ADORA1: variants seen among roughly 807,000 people sequenced by gnomAD.
The protein encoded by ADORA1 is adenosine A1 receptor, also known as adenosine receptor A1.
A neutral mutation model predicts 19.9 loss-of-function variants in ADORA1; 6 were observed. The observed-to-expected ratio is 0.30, with a 90% CI of 0.17 to 0.59. The LOEUF (loss-of-function observed/expected upper bound fraction) is 0.59. ADORA1 is among the 20% of genes least tolerant of loss of function. ADORA1 has a pLI of 0.87. For missense variants in ADORA1, 302 were observed against 439.2 expected (o/e 0.69, Z 2.79); for synonymous variants, 194 against 188.4 (o/e 1.03, Z -0.24).
intron 3 of ADORA1, among the ~76,000 whole-genome samples, chr1:203,148,621 G>A (rs545714209): frequency 6.6e-6 from 1 of 152,354 alleles, no homozygotes; most frequent in African/African-American, 2.4e-5. Flanking sequence ...CACCAGCTGA[G>A]GAGGTTGGGA....
At chr1:203,160,549 A>C (rs1281561973) in intron 3 of ADORA1, among the ~76,000 whole-genome samples, 2 of 152,224 alleles carry the variant, frequency 1.3e-5, no homozygotes, top group Non-Finnish European at 2.9e-5. Context: ...GCAGTGGTGC[A>C]CGCCTGTAAT....
intron 3 of ADORA1, among the ~76,000 whole-genome samples, chr1:203,158,169 C>A (rs1655253970): frequency 1.3e-5 from 2 of 152,176 alleles, no homozygotes; most frequent in Non-Finnish European, 2.9e-5. Context: ...TCATCTCTGT[C>A]TTCCTTCACT....
At chr1:203,142,557 C>A (rs1654728195) in intron 3 of ADORA1, among the ~76,000 whole-genome samples, 1 of 152,152 alleles carries the variant, frequency 6.6e-6, no homozygotes, top group Admixed American at 6.5e-5. Flanking sequence ...TTAAAACATC[C>A]CTAAGAGTTT....
At chr1:203,130,923 A>G (rs1654311747) in intron 3 of ADORA1, among the ~76,000 whole-genome samples, 3 of 152,198 alleles carry the variant, frequency 2.0e-5, no homozygotes, top group Non-Finnish European at 4.4e-5. Flanking sequence ...GGACCTGCAC[A>G]GAGGCTGCCA....
intron 3 of ADORA1, among the ~76,000 whole-genome samples, chr1:203,156,409 T>G (rs1437979393): frequency 6.6e-6 from 1 of 152,070 alleles, no homozygotes; most frequent in Non-Finnish European, 1.5e-5. Context: ...TCCCAGACAT[T>G]TCAGGAAATG....
intron 3 of ADORA1, among the ~76,000 whole-genome samples, chr1:203,147,200 C>T (rs1262324051): frequency 1.3e-5 from 2 of 152,170 alleles, no homozygotes; most frequent in East Asian, 1.9e-4. Context: ...TGGGTAGGAT[C>T]GTTGGTTTCG....
chr1:203,128,450 T>G lies in ADORA1; in HGVS notation c.-58+18T>G. The G allele has an allele frequency of 7.7e-7, 1 of 1,291,568 alleles. No individual in the cohort carries two copies. The highest frequency in any genetic ancestry group is 1.0e-6 in the Non-Finnish European group (1 of 989,614). The allele number at this position is 1,291,568 out of a possible 1,614,324, so 80.0% of individuals were successfully genotyped here. On this transcript the variant is annotated intron_variant, in intron 2 of 3. Coordinates refer to ENST00000337894, the MANE Select transcript of ADORA1 (RefSeq NM_000674.3). The surrounding 1 kb of genome is among the most constrained non-coding windows in gnomAD (Gnocchi z 5.9). ...GCAGGATGGTGAGCTCCCTGCATCC[T>G]GTTCTGTGCACAGGGGTGGGCAGAG...
At chr1:203,147,439 C>A (rs1477559193) in intron 3 of ADORA1, among the ~76,000 whole-genome samples, 2 of 152,174 alleles carry the variant, frequency 1.3e-5, no homozygotes, top group East Asian at 3.9e-4. Context: ...CAATGCCTTT[C>A]TTTTTCTGGG....
At chr1:203,140,120 A>G (rs749048493) in intron 3 of ADORA1, among the ~76,000 whole-genome samples, 1 of 152,210 alleles carries the variant, frequency 6.6e-6, no homozygotes, top group Admixed American at 6.5e-5. Context: ...GTGGTTTAAC[A>G]TTTGAAAAAA....
At chr1:203,132,465 C>T (rs1044931375) in intron 3 of ADORA1, among the ~76,000 whole-genome samples, 1 of 152,186 alleles carries the variant, frequency 6.6e-6, no homozygotes, top group Non-Finnish European at 1.5e-5. Context: ...TGAGTTTGAA[C>T]CTTGCTCTGT....
At chr1:203,141,737 C>T (rs1444395481) in intron 3 of ADORA1, among the ~76,000 whole-genome samples, 10 of 152,008 alleles carry the variant, frequency 6.6e-5, no homozygotes, top group African/African-American at 1.2e-4. Flanking sequence ...CATGCCACCA[C>T]GCCCAGGTAA....
chr1:203,164,180 T>G (rs1200492424), intron 3 of ADORA1, among the ~76,000 whole-genome samples: 1 of 152,246 alleles, frequency 6.6e-6, no homozygotes, highest in African/African-American at 2.4e-5. Context: ...GTTTCTATCT[T>G]CTTTGTGGGT....
intron 3 of ADORA1, among the ~76,000 whole-genome samples, chr1:203,142,624 AG>A (rs2102745638): frequency 6.6e-6 from 1 of 152,348 alleles, no homozygotes; most frequent in South Asian, 2.1e-4. Context: ...ACAGCAAGTT[AG>A]GGTGTGAGTA....
At chr1:203,141,887 C>A (rs549799824) in intron 3 of ADORA1, among the ~76,000 whole-genome samples, 100 of 152,256 alleles carry the variant, frequency 6.6e-4, no homozygotes, top group African/African-American at 2.4e-3. Flanking sequence ...CCGGCCTAAC[C>A]TGGATGTTTT....
At chr1:203,141,399 A>G (rs1473822446) in intron 3 of ADORA1, among the ~76,000 whole-genome samples, 3 of 151,906 alleles carry the variant, frequency 2.0e-5, no homozygotes, top group African/African-American at 7.3e-5. Context: ...CCTCTGGGAG[A>G]GCAGGGGCTG....
chr1:203,164,904 G>C (rs751913590), intron 3 of ADORA1, among the ~76,000 whole-genome samples: 2 of 152,202 alleles, frequency 1.3e-5, no homozygotes, highest in Non-Finnish European at 2.9e-5. Context: ...GACAAAGGCT[G>C]TCATGAAGCA....
At chr1:203,147,209 C>T (rs900069183) in intron 3 of ADORA1, among the ~76,000 whole-genome samples, 1 of 152,164 alleles carries the variant, frequency 6.6e-6, no homozygotes, top group Non-Finnish European at 1.5e-5. Context: ...TCGTTGGTTT[C>T]GTTGGTTTGG....
At chr1:203,131,582 C>G (rs1312287641) in intron 3 of ADORA1, among the ~76,000 whole-genome samples, 1 of 152,212 alleles carries the variant, frequency 6.6e-6, no homozygotes, top group Non-Finnish European at 1.5e-5. Context: ...GCCATGACCA[C>G]AGATGCCCCC....
chr1:203,153,434 G>A (rs1235134251), intron 3 of ADORA1, among the ~76,000 whole-genome samples: 1 of 152,220 alleles, frequency 6.6e-6, no homozygotes, highest in Non-Finnish European at 1.5e-5. Flanking sequence ...ACCAGGCTGT[G>A]GAGTTATTTG....
Sources: allele counts gnomAD v4.1 joint callset (sites outside exome capture counted in the v4.1 genomes callset), GRCh38; gene constraint gnomAD v4.1.1; non-coding constraint Gnocchi (gnomAD v3.1); transcripts MANE v1.5; gene names NCBI Gene and HGNC (gene_info 2026-07-23, HGNC 2026-07-21).